Variants in LTBP2 observed in about 807,000 individuals in gnomAD.
LTBP2 encodes the protein latent-transforming growth factor beta-binding protein 2.
A neutral mutation model predicts 210.6 loss-of-function variants in LTBP2; 103 were observed. That is an observed-to-expected ratio of 0.49 (90% CI 0.42 to 0.58). The LOEUF is 0.58. Among genes scored for constraint, LTBP2 ranks in the 20% least tolerant of loss-of-function variants. The pLI, the probability that LTBP2 is intolerant of heterozygous loss-of-function variation, is 0.00. For missense variants in LTBP2, 2,313 were observed against 2,494.5 expected, an observed-to-expected ratio of 0.93 and a Z score of 1.55; for synonymous variants, 1,007 against 1,015.0, an observed-to-expected ratio of 0.99 and a Z score of 0.15.
chr14:74,565,819 G>A (rs924063032), intron 3 of LTBP2, among the ~76,000 whole-genome samples: 8 of 152,294 alleles, frequency 5.3e-5, no homozygotes, highest in African/African-American at 1.2e-4. Flanking sequence ...TGACTGGGGC[G>A]TTAACTCTGC....
At chr14:74,504,660 G>A in intron 30 of LTBP2, 118 bp downstream of exon 30, 2 of 941,408 alleles carry the variant, frequency 2.1e-6, no homozygotes, top group South Asian at 1.3e-5. Context: ...GGACAGAAAA[G>A]GTGGAGGCAA....
intron 3 of LTBP2, among the ~76,000 whole-genome samples, chr14:74,562,287 TGAA>T (rs778053045): frequency 6.6e-6 from 1 of 151,988 alleles, no homozygotes; most frequent in Non-Finnish European, 1.5e-5. Flanking sequence ...AGGCCATGTT[TGAA>T]GAAGAATAAG....
rs201787294 is a variant in LTBP2 at position 74,611,737 on chromosome 14, T to C, written c.208A>G (p.Ser70Gly). 666 of 1,603,970 alleles carry C rather than the reference T, an allele frequency of 4.2e-4. 3 individuals carry two copies. In the African/African-American group the frequency reaches 7.0e-3, roughly 17 times the overall value. The change falls in exon 1 of 36, where the codon AGT (serine) becomes GGT (glycine). Residue 70 changes from serine to glycine, a missense_variant. Ser to Gly is a moderately conservative substitution (Grantham distance 56). This residue lies in a region of LTBP2 where 1,867 missense variants were observed against 1,976.9 expected (regional missense o/e 0.94). Transcript: ENST00000261978. ...GGCGCGTCCTGCTCCCGGAACAGAC[T>C]GTACACCTTGGCTGCAGCCGCTGCC... ...YPAAAAAKVY[S>G]LFREQDAPVA...
At chr14:74,540,634 G>A (rs1429937014) in intron 8 of LTBP2, among the ~76,000 whole-genome samples, 19 of 148,146 alleles carry the variant, frequency 1.3e-4, no homozygotes, top group Non-Finnish European at 2.1e-4. Context: ...ATGTGGTGGC[G>A]GGTGCCTGTA....
At chr14:74,521,838 T>A (rs1394216326) in intron 17 of LTBP2, 73 bp downstream of exon 17, 1 of 1,595,844 alleles carries the variant, frequency 6.3e-7, no homozygotes, top group African/African-American at 1.3e-5. Flanking sequence ...TTTGGGGGTG[T>A]GAACCCCTGG....
chr14:74,572,743 CCA>C lies in LTBP2; in HGVS notation c.830+13109_830+13110del, dbSNP rs1566644932. Among the ~76,000 whole-genome samples the C allele has an allele frequency of 5.3e-5, 8 of 152,124 alleles. No individual in the cohort carries two copies. In the South Asian group the frequency reaches 1.7e-3, roughly 32 times the overall value. On this transcript the variant is annotated intron_variant, in intron 3 of 35. Transcript: ENST00000261978. ...CTCCACAGCTTCCACCCACGCCCCG[CCA>C]CACACACACGCATACACACACATAC...
At chr14:74,533,917 G>A (rs1448433594) in intron 9 of LTBP2, among the ~76,000 whole-genome samples, 2 of 152,120 alleles carry the variant, frequency 1.3e-5, no homozygotes, top group African/African-American at 2.4e-5. Flanking sequence ...TGCTTGTGAG[G>A]GGCACCTGCC....
chr14:74,516,039 CA>C (rs2087130079), intron 18 of LTBP2, among the ~76,000 whole-genome samples: 1 of 152,234 alleles, frequency 6.6e-6, no homozygotes, highest in Admixed American at 6.5e-5. Context: ...CTTCTGAAAG[CA>C]GGCAAGTCCC....
At chr14:74,504,221 T>TA (rs2086953402) in intron 30 of LTBP2, among the ~76,000 whole-genome samples, 167 bp from the exon 31 acceptor site, 2 of 152,170 alleles carry the variant, frequency 1.3e-5, no homozygotes, top group African/African-American at 4.8e-5. Context: ...TACATACTCT[T>TA]AGAGTTGTTG....
At chr14:74,596,268 T>TA (rs1555353657) in intron 2 of LTBP2, among the ~76,000 whole-genome samples, 13,558 of 117,076 alleles carry the variant, frequency 0.12, 1,026 homozygotes, top group African/African-American at 0.22. Context: ...TAAATAAAAA[T>TA]TAAAAACAAA....
Position 74,528,520 on chromosome 14 carries a change from C to T in LTBP2, c.2331G>A (p.Thr777=), listed in dbSNP as rs772586463. 3.1e-6 allele frequency: 5 copies of T among 1,612,114 alleles called. No individual in the cohort carries two copies. Among genetic ancestry groups the T allele is most frequent in the South Asian group, 1.1e-5 (1 of 91,034 alleles). The change falls in exon 12 of 36, where the codon ACG becomes ACA. Residue 777 remains threonine (T), a synonymous_variant. Coordinates refer to ENST00000261978, the MANE Select transcript of LTBP2 (RefSeq NM_000428.3). ...TGGTCCCGGCCTCAAGCCAGGTGTC[C>T]GTGACGACCCGGAGGGGCTGCCTCT... ...PAERQPLRVV[T]DTWLEAGTIP...
chr14:74,594,307 A>G (rs1458703606), intron 2 of LTBP2, among the ~76,000 whole-genome samples: 1 of 152,092 alleles, frequency 6.6e-6, no homozygotes, highest in African/African-American at 2.4e-5. Context: ...TAGATAGAGG[A>G]GGCACCAACT....
chr14:74,559,497 G>A (rs2087767203), intron 3 of LTBP2, among the ~76,000 whole-genome samples: 1 of 152,130 alleles, frequency 6.6e-6, no homozygotes, highest in South Asian at 2.1e-4. Flanking sequence ...ATAAGTCCCA[G>A]CCTAGGCCTC....
chr14:74,611,023 C>T (rs948755480), intron 1 of LTBP2, among the ~76,000 whole-genome samples: 1 of 152,218 alleles, frequency 6.6e-6, no homozygotes, highest in Non-Finnish European at 1.5e-5. Context: ...CCCGACACCT[C>T]CGCCAACCCG....
intron 3 of LTBP2, among the ~76,000 whole-genome samples, chr14:74,583,430 G>A (rs1333722748): frequency 1.3e-5 from 2 of 152,210 alleles, no homozygotes; most frequent in African/African-American, 4.8e-5. Context: ...CCAGCAGCTG[G>A]GCCAACAGTA....
Position 74,539,320 on chromosome 14 carries a change from C to T in LTBP2, c.1790-3320G>A, listed in dbSNP as rs75846830. On this transcript the variant is annotated intron_variant, in intron 8 of 35. Coordinates refer to ENST00000261978, the MANE Select transcript of LTBP2 (RefSeq NM_000428.3). ...TGTGAAGGCCACATCCTTTCTCCTA[C>T]CTTCCACTGTGCTTCTCTAAGAGAG... Among the ~76,000 whole-genome samples, 42 of 152,290 alleles carry T rather than the reference C, an allele frequency of 2.8e-4. 1 individual carries two copies. In the East Asian group the frequency reaches 7.3e-3, roughly 27 times the overall value.
rs2087679069 is a variant in LTBP2 at position 74,552,873 on chromosome 14, G to A, written c.1192+19C>T. On this transcript the variant is annotated intron_variant, in intron 5 of 35. Transcript: ENST00000261978. The stretch of plus-strand genomic sequence containing the variant: ...CTCCAGGGCCAGCTGGGAACCATCT[G>A]AGCAGGAAAGGGACTCACAGATGCG... The A allele has an allele frequency of 2.5e-6, 4 of 1,608,150 alleles. No individual in the cohort carries two copies. The highest frequency in any genetic ancestry group is 3.4e-6 in the Non-Finnish European group (4 of 1,177,806).
chr14:74,557,744 C>A (rs1450232405), intron 3 of LTBP2, among the ~76,000 whole-genome samples: 2 of 151,752 alleles, frequency 1.3e-5, no homozygotes, highest in Non-Finnish European at 2.9e-5. Context: ...AGTGTCTGGA[C>A]TGTGGTGGGT....
intron 3 of LTBP2, among the ~76,000 whole-genome samples, chr14:74,564,456 G>A (rs1428957142): frequency 2.9e-5 from 4 of 136,950 alleles, no homozygotes; most frequent in African/African-American, 8.4e-5. Context: ...GTGCAGTGAC[G>A]CAGTCTCGGC....
Sources: allele counts gnomAD v4.1 joint callset (sites outside exome capture counted in the v4.1 genomes callset), GRCh38; gene constraint gnomAD v4.1.1; regional missense constraint gnomAD v4.1.1; transcripts MANE v1.5; gene names NCBI Gene and HGNC (gene_info 2026-07-23, HGNC 2026-07-21).